CACNA1C: variants seen among roughly 807,000 people sequenced by gnomAD.
CACNA1C encodes the protein calcium voltage-gated channel subunit alpha1 C.
In CACNA1C, 30 loss-of-function variants were observed where a neutral mutation model predicts 229.0. The ratio of observed to expected loss-of-function variants is 0.13; its 90% CI spans 0.10 to 0.18. The LOEUF (loss-of-function observed/expected upper bound fraction) is 0.18, where lower values mean the gene tolerates loss of function less well. Ranked by LOEUF, CACNA1C falls within the 10% of genes least tolerant of loss-of-function variation. The pLI, the probability that CACNA1C is intolerant of heterozygous loss-of-function variation, is 1.00. For missense variants in CACNA1C, 1,658 were observed against 2,845.0 expected, an observed-to-expected ratio of 0.58 and a Z score of 9.49; for synonymous variants, 1,114 against 1,132.5, an observed-to-expected ratio of 0.98 and a Z score of 0.33.
At chr12:2,235,095 A>G (rs1290353373) in intron 3 of CACNA1C, among the ~76,000 whole-genome samples, 2 of 152,114 alleles carry the variant, frequency 1.3e-5, no homozygotes, top group Non-Finnish European at 2.9e-5. Flanking sequence ...CCGCTCTTCC[A>G]TTTCCAGTGT....
At chr12:2,175,018 A>C (rs757016162) in intron 3 of CACNA1C, among the ~76,000 whole-genome samples, 1 of 151,556 alleles carries the variant, frequency 6.6e-6, no homozygotes, top group Non-Finnish European at 1.5e-5. Flanking sequence ...AGGCAGAAGA[A>C]AATCCACATG....
At position 2,430,767 on chromosome 12, in the gene CACNA1C, C is replaced by T. The variant is rs536283889; in HGVS notation, c.478-18209C>T. On this transcript the variant is annotated intron_variant, in intron 3 of 46. Coordinates refer to ENST00000399655, the MANE Select transcript of CACNA1C (RefSeq NM_000719.7). Reference sequence around the variant, plus strand: ...CTCCTTCCCCCAGGTGTATAGGAGGCCCTTCCTTTGTGTTCCCTGCAGTCC... The same window carrying T: ...CTCCTTCCCCCAGGTGTATAGGAGGTCCTTCCTTTGTGTTCCCTGCAGTCC... Among the ~76,000 whole-genome samples the T allele has an allele frequency of 3.4e-3, 511 of 152,132 alleles. 6 individuals are homozygous for T. The highest frequency in any genetic ancestry group is 8.5e-3 in the Admixed American group (130 of 15,280).
chr12:2,461,692 C>T (rs1261264501), intron 5 of CACNA1C, among the ~76,000 whole-genome samples: 3 of 152,188 alleles, frequency 2.0e-5, no homozygotes, highest in Non-Finnish European at 4.4e-5. Flanking sequence ...AAATGCTAGC[C>T]TCATCCTTCT....
chr12:2,106,675 G>GAA (rs2078873110), intron 1 of CACNA1C, among the ~76,000 whole-genome samples: 1 of 26,124 alleles, frequency 3.8e-5, no homozygotes, highest in Non-Finnish European at 9.0e-5. Flanking sequence ...CAGCTGGGGC[G>GAA]TCCTGAAGCC....
At chr12:2,404,449 C>T (rs1387703298) in intron 3 of CACNA1C, among the ~76,000 whole-genome samples, 1 of 152,176 alleles carries the variant, frequency 6.6e-6, no homozygotes, top group East Asian at 1.9e-4. Flanking sequence ...AAGCAGTGCC[C>T]TGTGTACTTA....
intron 3 of CACNA1C, among the ~76,000 whole-genome samples, chr12:2,257,930 A>G (rs116642590): frequency 0.046 from 6,986 of 152,220 alleles, 188 homozygotes; most frequent in Middle Eastern, 0.068. Flanking sequence ...CGGCATTTTC[A>G]TACAAGTGAA....
chr12:2,633,706 G>A lies in CACNA1C; in HGVS notation c.3829-591G>A. 1 of 1,579,780 alleles carries A rather than the reference G, an allele frequency of 6.3e-7. No homozygotes were observed. The highest frequency in any genetic ancestry group is 8.7e-7 in the Non-Finnish European group (1 of 1,148,796). ...GCATAATTGACGTCATTCTCAGTGA[G>A]ACTAATGTGAGTATTACTCTGCCCT... is the stretch of plus-strand genomic sequence containing the variant. On this transcript the variant is annotated intron_variant, in intron 29 of 46. Transcript: ENST00000399655. This position sits in a 1 kb window ranked among gnomAD's most constrained non-coding sequence, Gnocchi z 5.8.
chr12:2,562,231 T>C (rs2047889463), intron 11 of CACNA1C, among the ~76,000 whole-genome samples: 1 of 152,076 alleles, frequency 6.6e-6, no homozygotes, highest in African/African-American at 2.4e-5. Context: ...ACAGCACCCA[T>C]ATCCACTACT....
At position 2,207,056 on chromosome 12, in the gene CACNA1C, G is replaced by A. The variant is rs780840428; in HGVS notation, c.477+86626G>A. On this transcript the variant is annotated intron_variant, in intron 3 of 46. Coordinates refer to ENST00000399655, the MANE Select transcript of CACNA1C (RefSeq NM_000719.7). ...TTGTGGGTGTTGTGTAGAGCCCGTC[G>A]AGTGTCAATAAAGGGGACTTGCTTT... Among the ~76,000 whole-genome samples the A allele has an allele frequency of 2.0e-4, 31 of 152,104 alleles. 1 individual carries two copies. Among genetic ancestry groups the A allele is most frequent in the Non-Finnish European group, 4.0e-4 (27 of 68,012 alleles).
rs562163696 is a variant in CACNA1C at position 2,153,712 on chromosome 12, G to C, written c.477+33282G>C. ...TTTTCCTTTGTCCTCTGCGTGGGGT[G>C]GGGCAGCCCTCTTGGGGAAAAGGCT... On this transcript the variant is annotated intron_variant, in intron 3 of 46. Coordinates refer to ENST00000399655, the MANE Select transcript of CACNA1C (RefSeq NM_000719.7). 1.2e-4 allele frequency among the ~76,000 whole-genome samples: 18 copies of C among 152,298 alleles called. No homozygotes were observed. In the East Asian group the frequency reaches 3.5e-3, roughly 29 times the overall value.
intron 3 of CACNA1C, among the ~76,000 whole-genome samples, chr12:2,428,828 T>G (rs1054798082): frequency 6.6e-6 from 1 of 152,212 alleles, no homozygotes; most frequent in Non-Finnish European, 1.5e-5. Context: ...ATGCTGATGT[T>G]TAGCCTGTGT....
rs1569021771 is a variant in CACNA1C, at chr12:2,645,653, C to T, written c.3913-2822C>T. Among the ~76,000 whole-genome samples the T allele has an allele frequency of 5.9e-5, 9 of 152,252 alleles. No individual in the cohort carries two copies. The South Asian group carries it at 1.7e-3, about 28-fold the overall frequency. On this transcript the variant is annotated intron_variant, in intron 30 of 46. Transcript: ENST00000399655. ...CCAGGGCATCAGTAGACCTCGGGGG[C>T]CTTGGGGGCAGGGGCTGTGGCTTAG...
chr12:2,292,638 T>G (rs1437934696), intron 3 of CACNA1C, among the ~76,000 whole-genome samples: 1 of 152,198 alleles, frequency 6.6e-6, no homozygotes, highest in Non-Finnish European at 1.5e-5. Flanking sequence ...GCAGGCAGGC[T>G]AGAGGGACTG....
intron 25 of CACNA1C, 24 bp downstream of exon 25, chr12:2,606,687 C>G: frequency 6.2e-7 from 1 of 1,601,166 alleles, no homozygotes; most frequent in East Asian, 2.2e-5. Context: ...GGAGGGCAGC[C>G]AGGGCCACGG....
intron 31 of CACNA1C, among the ~76,000 whole-genome samples, chr12:2,648,793 C>T (rs1603307438): frequency 6.6e-6 from 1 of 152,288 alleles, no homozygotes; most frequent in East Asian, 1.9e-4. Context: ...ACCCGAGGTC[C>T]ATTTCCTGTT....
At position 2,486,984 on chromosome 12, in the gene CACNA1C, G is replaced by A. The variant is rs545218464; in HGVS notation, c.916+722G>A. ...TAACAGCAATGCTGGCTCATTAGGC[G>A]CTTCCCTGCGTGGCACTGGAGTTTT... On this transcript the variant is annotated intron_variant, in intron 6 of 46. Transcript: ENST00000399655. This position sits in a 1 kb window ranked among gnomAD's most constrained non-coding sequence, Gnocchi z 4.9. Among the ~76,000 whole-genome samples the A allele has an allele frequency of 1.3e-5, 2 of 152,320 alleles. No individual in the cohort carries two copies. Among genetic ancestry groups the A allele is most frequent in the East Asian group, 1.9e-4 (1 of 5,178 alleles).
chr12:2,348,754 G>A lies in CACNA1C; in HGVS notation c.478-100222G>A, dbSNP rs2097124011. ...GTCTCGGGGGAAAGGTTCCTTCCTC[G>A]GGAACTGGGTGGCATGGGAGAGTAG... On this transcript the variant is annotated intron_variant, in intron 3 of 46. Transcript: ENST00000399655. The surrounding 1 kb of genome is among the most constrained non-coding windows in gnomAD (Gnocchi z 4.7). Among the ~76,000 whole-genome samples, 1 of 152,106 alleles carries A rather than the reference G, an allele frequency of 6.6e-6. No individual in the cohort carries two copies. Among genetic ancestry groups the A allele is most frequent in the Non-Finnish European group, 1.5e-5 (1 of 68,026 alleles).
intron 32 of CACNA1C, among the ~76,000 whole-genome samples, chr12:2,652,826 G>A (rs1399595104): frequency 6.6e-6 from 1 of 152,246 alleles, no homozygotes; most frequent in African/African-American, 2.4e-5. Context: ...AGCGGAAGCA[G>A]GACTGCCGCT....
intron 3 of CACNA1C, among the ~76,000 whole-genome samples, chr12:2,235,510 A>G (rs1237092227): frequency 6.6e-6 from 1 of 152,174 alleles, no homozygotes; most frequent in Non-Finnish European, 1.5e-5. Context: ...ATTTTGCAGC[A>G]TTTTTATTAT....
Sources: allele counts gnomAD v4.1 joint callset (sites outside exome capture counted in the v4.1 genomes callset), GRCh38; gene constraint gnomAD v4.1.1; non-coding constraint Gnocchi (gnomAD v3.1); transcripts MANE v1.5; gene names NCBI Gene and HGNC (gene_info 2026-07-23, HGNC 2026-07-21).